The following GDPD5 variants were observed in gnomAD, a reference collection of about 807,000 sequenced individuals.
GDPD5 encodes the protein glycerophosphodiester phosphodiesterase domain containing 5, also known as glycerophosphodiester phosphodiesterase 2.
Under a neutral mutation model 75.1 loss-of-function variants are expected in GDPD5, and 48 were observed. The observed-to-expected ratio is 0.64, with a 90% confidence interval of 0.51 to 0.81. GDPD5 has a LOEUF of 0.81. Among genes scored for constraint, GDPD5 ranks in the 40% least tolerant of loss-of-function variants. The pLI is 0.00. For synonymous variants in GDPD5, 336 were observed against 339.0 expected, an observed-to-expected ratio of 0.99 and a Z score of 0.10; for missense variants, 706 against 822.6, an observed-to-expected ratio of 0.86 and a Z score of 1.73.
intron 9 of GDPD5, among the ~76,000 whole-genome samples, chr11:75,444,963 G>A (rs1450230495): frequency 6.6e-6 from 1 of 152,094 alleles, no homozygotes; most frequent in Non-Finnish European, 1.5e-5. Context: ...GTCCAGGGGG[G>A]AGACCTGGAA....
At chr11:75,487,293 G>C (rs1950037030) in intron 2 of GDPD5, among the ~76,000 whole-genome samples, 1 of 152,240 alleles carries the variant, frequency 6.6e-6, no homozygotes, top group Non-Finnish European at 1.5e-5. Flanking sequence ...CTGGGCCTCA[G>C]AGAAAGCCCT....
In GDPD5 at chr11:75,436,655, C is replaced by A. The variant is rs188124003; in HGVS notation, c.1669+281G>T. 2.3e-3 allele frequency among the ~76,000 whole-genome samples: 351 copies of A among 152,290 alleles called. 3 individuals carry two copies. The highest frequency in any genetic ancestry group is 8.3e-3 in the African/African-American group (343 of 41,540). On this transcript the variant is annotated intron_variant, in intron 16 of 16. Transcript: ENST00000336898. ...GGGGATGGGCCTTCAAAACAGACTCCTCTCCCTACCCCACCCCTGCCCACC... is the reference window on the plus strand; with the variant it reads ...GGGGATGGGCCTTCAAAACAGACTCATCTCCCTACCCCACCCCTGCCCACC...
intron 4 of GDPD5, among the ~76,000 whole-genome samples, chr11:75,458,059 TG>T (rs1024577944): frequency 1.4e-4 from 21 of 152,360 alleles, no homozygotes; most frequent in African/African-American, 4.6e-4. Flanking sequence ...ATCTTCCTCC[TG>T]TGGGTTCCCC....
Position 75,441,543 on chromosome 11 carries a change from C to T in GDPD5, c.1325+103G>A, listed in dbSNP as rs1056317035. 2.4e-5 allele frequency: 23 copies of T among 952,830 alleles called. No homozygotes were observed. In the East Asian group the frequency reaches 4.6e-4, roughly 19 times the overall value. 59.0% of individuals were successfully genotyped at this position (952,830 alleles called of 1,614,324 possible). ...CTGTGTGCCCATCCCTCTGCCCGAC[C>T]GTGTGTGTGTGTGTGTGTGTGTGTG... On this transcript the variant is annotated intron_variant, in intron 13 of 16. Transcript: ENST00000336898.
chr11:75,520,022 A>G (rs1950723302), intron 1 of GDPD5, among the ~76,000 whole-genome samples: 1 of 152,178 alleles, frequency 6.6e-6, no homozygotes, highest in African/African-American at 2.4e-5. Context: ...CAGATATCCC[A>G]GTCCTGCTCC....
intron 1 of GDPD5, among the ~76,000 whole-genome samples, chr11:75,509,544 GT>G (rs905329348): frequency 5.1e-4 from 77 of 152,310 alleles, no homozygotes; most frequent in African/African-American, 1.7e-3. Context: ...GCCAAGAACT[GT>G]TTACTTGTTT....
At chr11:75,520,380 T>C (rs11236447) in intron 1 of GDPD5, among the ~76,000 whole-genome samples, 4,757 of 152,142 alleles carry the variant, frequency 0.031, 367 homozygotes, top group East Asian at 0.25. Context: ...AAAACAGAGG[T>C]GCAAAAGTTG....
intron 1 of GDPD5, among the ~76,000 whole-genome samples, chr11:75,504,935 G>A (rs973428075): frequency 6.6e-6 from 1 of 152,092 alleles, no homozygotes; most frequent in Non-Finnish European, 1.5e-5. Context: ...AGACCAGCCC[G>A]ACCAACTTGG....
chr11:75,504,154 T>G (rs755923484), intron 1 of GDPD5, among the ~76,000 whole-genome samples: 3 of 152,206 alleles, frequency 2.0e-5, no homozygotes, highest in Non-Finnish European at 4.4e-5. Context: ...CTGTGGGTCC[T>G]ATAGCCATGG....
chr11:75,477,444 C>G (rs1217227588), intron 3 of GDPD5, among the ~76,000 whole-genome samples, 175 bp downstream of exon 3: 2 of 152,250 alleles, frequency 1.3e-5, no homozygotes, highest in African/African-American at 4.8e-5. Flanking sequence ...CCCTCCTGGT[C>G]AGTAGATTCA....
intron 9 of GDPD5, among the ~76,000 whole-genome samples, chr11:75,445,007 G>A (rs534385530): frequency 1.3e-5 from 2 of 152,206 alleles, no homozygotes; most frequent in South Asian, 2.1e-4. Context: ...GTTTCAGTGC[G>A]GGACCAGTTT....
At chr11:75,515,304 T>A (rs1366688948) in intron 1 of GDPD5, among the ~76,000 whole-genome samples, 1 of 152,176 alleles carries the variant, frequency 6.6e-6, no homozygotes, top group African/African-American at 2.4e-5. Flanking sequence ...ATGCAAAGTG[T>A]CATATCTTCT....
At chr11:75,512,240 A>G (rs1215579342) in intron 1 of GDPD5, among the ~76,000 whole-genome samples, 3 of 145,012 alleles carry the variant, frequency 2.1e-5, no homozygotes, top group African/African-American at 7.6e-5. Flanking sequence ...CAATTGTTCC[A>G]TTTCTTAGTC....
chr11:75,523,059 A>T (rs969395688), intron 1 of GDPD5, among the ~76,000 whole-genome samples: 3 of 152,154 alleles, frequency 2.0e-5, no homozygotes, highest in Admixed American at 1.3e-4. Context: ...AAGTCTGAGA[A>T]TTTCCCCAGA....
intron 2 of GDPD5, among the ~76,000 whole-genome samples, chr11:75,488,814 G>A (rs767998181): frequency 1.3e-5 from 2 of 152,146 alleles, no homozygotes; most frequent in Admixed American, 6.5e-5. Context: ...ATCTGCTTCC[G>A]TGGCTGCCTC....
At chr11:75,443,897 C>G (rs1184896845) in intron 10 of GDPD5, among the ~76,000 whole-genome samples, 1 of 152,202 alleles carries the variant, frequency 6.6e-6, no homozygotes, top group African/African-American at 2.4e-5. Context: ...ATACTGGGAA[C>G]AATGTCCTCA....
At chr11:75,488,264 G>A (rs1950051304) in intron 2 of GDPD5, among the ~76,000 whole-genome samples, 3 of 152,172 alleles carry the variant, frequency 2.0e-5, no homozygotes, top group African/African-American at 7.2e-5. Flanking sequence ...TGGGGAGCAG[G>A]CAGAGCCAGT....
chr11:75,455,302 A>T (rs1238653024), intron 6 of GDPD5: 1 of 455,454 alleles, frequency 2.2e-6, no homozygotes, highest in South Asian at 1.5e-5. Flanking sequence ...CCAGCTTTGC[A>T]GCCAGGAGAA....
intron 14 of GDPD5, among the ~76,000 whole-genome samples, chr11:75,440,272 G>A (rs1033836254): frequency 7.2e-5 from 11 of 152,158 alleles, no homozygotes; most frequent in African/African-American, 2.7e-4. Context: ...CAAAGCAGGA[G>A]CCAGATACTG....
Sources: allele counts gnomAD v4.1 joint callset (sites outside exome capture counted in the v4.1 genomes callset), GRCh38; gene constraint gnomAD v4.1.1; transcripts MANE v1.5; gene names NCBI Gene and HGNC (gene_info 2026-07-23, HGNC 2026-07-21).